Variants in RTN1 observed in about 807,000 individuals in gnomAD.
The protein encoded by RTN1 is reticulon-1.
Under a neutral mutation model 65.5 loss-of-function variants are expected in RTN1, and 25 were observed. The observed-to-expected ratio is 0.38, with a 90% CI of 0.28 to 0.53. The LOEUF (loss-of-function observed/expected upper bound fraction) is 0.53, where lower values mean the gene tolerates loss of function less well. Ranked by LOEUF, RTN1 falls within the 20% of genes least tolerant of loss-of-function variation. The pLI is 0.79. For synonymous variants in RTN1, 471 were observed against 447.6 expected (o/e 1.05, Z -0.66); for missense variants, 983 against 1,025.4 (o/e 0.96, Z 0.57).
chr14:59,649,663 T>C (rs916107847), intron 3 of RTN1, among the ~76,000 whole-genome samples: 3 of 152,202 alleles, frequency 2.0e-5, no homozygotes, highest in African/African-American at 7.2e-5. Context: ...TCATCATCAC[T>C]GGTCATTATA....
intron 1 of RTN1, among the ~76,000 whole-genome samples, chr14:59,854,324 G>A (rs769229764): frequency 9.2e-5 from 14 of 151,980 alleles, no homozygotes; most frequent in Non-Finnish European, 1.6e-4. Flanking sequence ...TATTTAATGT[G>A]CAAATTTTAC....
intron 2 of RTN1, among the ~76,000 whole-genome samples, chr14:59,737,452 C>T (rs540158242): frequency 3.0e-4 from 45 of 152,214 alleles, no homozygotes; most frequent in African/African-American, 1.0e-3. Flanking sequence ...ATACAGCTAA[C>T]AAGGGATGTG....
Position 59,829,445 on chromosome 14 carries a change from T to C in RTN1, c.241+40945A>G, listed in dbSNP as rs1887088658. On this transcript the variant is annotated intron_variant, in intron 1 of 8. Transcript: ENST00000267484. The surrounding 1 kb of genome is among the most constrained non-coding windows in gnomAD (Gnocchi z 4.3). The stretch of plus-strand genomic sequence containing the variant: ...GACCCCAAAATCTCAGTGACTTAAA[T>C]ATTTTATAGTTATGTAAGTAACACC... 1.3e-5 allele frequency among the ~76,000 whole-genome samples: 2 copies of C among 152,256 alleles called. No homozygotes were observed. The highest frequency in any genetic ancestry group is 3.8e-4 in the East Asian group (2 of 5,204).
chr14:59,610,164 C>T (rs757587618), intron 3 of RTN1: 19 of 769,558 alleles, frequency 2.5e-5, no homozygotes, highest in Non-Finnish European at 4.1e-5. Flanking sequence ...TCCTAAATCT[C>T]CAACCAGGAG....
rs142082466 is a variant in RTN1 at position 59,837,359 on chromosome 14, A to T, written c.241+33031T>A. On this transcript the variant is annotated intron_variant, in intron 1 of 8. Coordinates refer to ENST00000267484, the MANE Select transcript of RTN1 (RefSeq NM_021136.3). ...AAAATAAAATATTTAAGAGAAATAGAAAAAATGTGAATTTGTTTAACCTCA... is the reference window on the plus strand; with the variant it reads ...AAAATAAAATATTTAAGAGAAATAGTAAAAATGTGAATTTGTTTAACCTCA... 5.5e-3 allele frequency among the ~76,000 whole-genome samples: 843 copies of T among 152,212 alleles called. 14 individuals carry two copies. Among genetic ancestry groups the T allele is most frequent in the African/African-American group, 0.019 (801 of 41,572 alleles).
chr14:59,680,574 C>CTGTATTATTT (rs1883725536), intron 3 of RTN1, among the ~76,000 whole-genome samples: 1 of 152,126 alleles, frequency 6.6e-6, no homozygotes, highest in African/African-American at 2.4e-5. Context: ...TTAGTGTGTC[C>CTGTATTATTT]AGGCATTGCC....
chr14:59,598,293 G>T (rs1352412393), intron 8 of RTN1, among the ~76,000 whole-genome samples: 1 of 152,170 alleles, frequency 6.6e-6, no homozygotes, highest in Non-Finnish European at 1.5e-5. Context: ...GAGTAATCAA[G>T]GAAGATTCTT....
intron 3 of RTN1, among the ~76,000 whole-genome samples, chr14:59,666,962 CAAAAAAAAAAAAAAAAAA>C (rs146213616): frequency 3.3e-5 from 2 of 60,102 alleles, no homozygotes; most frequent in Non-Finnish European, 6.0e-5. Context: ...GCCGACCAAC[CAAAAAAAAAAAAAAAAAA>C]AAAAAAAGCC....
intron 3 of RTN1, among the ~76,000 whole-genome samples, chr14:59,625,486 C>T (rs897507658): frequency 6.6e-6 from 1 of 152,124 alleles, no homozygotes; most frequent in East Asian, 1.9e-4. Context: ...ATGGATCTGA[C>T]GTTCCACAAT....
intron 1 of RTN1, among the ~76,000 whole-genome samples, chr14:59,861,552 C>A (rs1320639109): frequency 1.3e-5 from 2 of 152,162 alleles, no homozygotes; most frequent in Admixed American, 6.5e-5. Flanking sequence ...CTTAGTGTAA[C>A]TAATGACTTC....
chr14:59,640,748 T>C (rs1882759801), intron 3 of RTN1, among the ~76,000 whole-genome samples: 1 of 152,232 alleles, frequency 6.6e-6, no homozygotes. Context: ...TAAATTTTAT[T>C]TTCTCTTTAT....
chr14:59,744,834 G>C (rs913236796), intron 2 of RTN1, among the ~76,000 whole-genome samples: 17 of 152,162 alleles, frequency 1.1e-4, no homozygotes, highest in African/African-American at 3.9e-4. Context: ...AGTCTACAGA[G>C]AACAGCCAGT....
intron 1 of RTN1, among the ~76,000 whole-genome samples, chr14:59,792,842 T>C (rs1410077393): frequency 6.6e-6 from 1 of 152,156 alleles, no homozygotes; most frequent in African/African-American, 2.4e-5. Flanking sequence ...TTTTTCTTAG[T>C]GAAGGGAATT....
At position 59,605,225 on chromosome 14, in the gene RTN1, G is replaced by A. The variant is rs1005414778; in HGVS notation, c.2112+143C>T. 9 of 775,488 alleles carry A rather than the reference G, an allele frequency of 1.2e-5. No homozygotes were observed. In the African/African-American group the frequency reaches 1.4e-4, roughly 12 times the overall value. The allele number at this position is 775,488 out of a possible 1,614,324, so 48.0% of individuals were successfully genotyped here. ...AATGAAGGGATTAGACTGGTTCATGGTGCCATACAACTGGAGGTCTTCTGA... is the reference window on the plus strand; with the variant it reads ...AATGAAGGGATTAGACTGGTTCATGATGCCATACAACTGGAGGTCTTCTGA... On this transcript the variant is annotated intron_variant, in intron 5 of 8. Coordinates refer to ENST00000267484, the MANE Select transcript of RTN1 (RefSeq NM_021136.3).
chr14:59,685,942 A>C (rs1195954673), intron 3 of RTN1, among the ~76,000 whole-genome samples: 1 of 152,266 alleles, frequency 6.6e-6, no homozygotes, highest in Non-Finnish European at 1.5e-5. Context: ...TATAGGAACC[A>C]AAACTGCATG....
intron 1 of RTN1, among the ~76,000 whole-genome samples, chr14:59,855,465 TG>T (rs1292542400): frequency 6.6e-6 from 1 of 152,190 alleles, no homozygotes; most frequent in African/African-American, 2.4e-5. Context: ...ATTTCTTTGC[TG>T]GGGACTCTCT....
rs555466288 is a variant in RTN1 at position 59,737,962 on chromosome 14, C to T, written c.1015+7746G>A. On this transcript the variant is annotated intron_variant, in intron 2 of 8. Transcript: ENST00000267484. ...GCTGGGATAACTGGCTAGCAATATACAGAAAATGGAAACTGGACCCCTTCC... is the reference window on the plus strand; with the variant it reads ...GCTGGGATAACTGGCTAGCAATATATAGAAAATGGAAACTGGACCCCTTCC... Among the ~76,000 whole-genome samples, 20 of 152,204 alleles carry T rather than the reference C, an allele frequency of 1.3e-4. No homozygotes were observed. In the South Asian group the frequency reaches 3.7e-3, roughly 28 times the overall value.
intron 1 of RTN1, among the ~76,000 whole-genome samples, chr14:59,757,373 G>A (rs1334259289): frequency 6.6e-6 from 1 of 152,150 alleles, no homozygotes; most frequent in Non-Finnish European, 1.5e-5. Context: ...CGTTTCATGA[G>A]ATCTGATGGT....
intron 3 of RTN1, among the ~76,000 whole-genome samples, chr14:59,713,993 T>C (rs993542929): frequency 1.3e-5 from 2 of 152,098 alleles, no homozygotes; most frequent in African/African-American, 4.8e-5. Context: ...CCCAGCACCT[T>C]GGGAGGCCGA....
Sources: allele counts gnomAD v4.1 joint callset (sites outside exome capture counted in the v4.1 genomes callset), GRCh38; gene constraint gnomAD v4.1.1; non-coding constraint Gnocchi (gnomAD v3.1); transcripts MANE v1.5; gene names NCBI Gene and HGNC (gene_info 2026-07-23, HGNC 2026-07-21).